DTWD2: variants seen among roughly 807,000 people sequenced by gnomAD.
DTWD2 encodes the protein tRNA-uridine aminocarboxypropyltransferase 2.
DTWD2 carries 39 observed loss-of-function variants against 31.8 expected under a neutral mutation model. That is an observed-to-expected ratio of 1.22 (90% CI 0.95 to 1.60). The LOEUF (loss-of-function observed/expected upper bound fraction) is 1.60. Among genes scored for constraint, DTWD2 ranks in the 40% most tolerant of loss-of-function variants. The pLI is 0.00. For synonymous variants in DTWD2, 180 were observed against 142.8 expected, an observed-to-expected ratio of 1.26 and a Z score of -1.86; for missense variants, 515 against 381.5, an observed-to-expected ratio of 1.35 and a Z score of -2.92.
At chr5:118,898,071 C>A (rs1364824347) in intron 4 of DTWD2, among the ~76,000 whole-genome samples, 1 of 151,832 alleles carries the variant, frequency 6.6e-6, no homozygotes, top group Non-Finnish European at 1.5e-5. Flanking sequence ...TGCCGTGTTG[C>A]CCAGGCTGGT....
At chr5:118,912,423 T>A (rs1370393337) in intron 4 of DTWD2, among the ~76,000 whole-genome samples, 1 of 152,250 alleles carries the variant, frequency 6.6e-6, no homozygotes, top group Non-Finnish European at 1.5e-5. Context: ...CACAAGGCCC[T>A]GCATTTGGCT....
At chr5:118,922,491 T>C (rs1753725141) in intron 4 of DTWD2, among the ~76,000 whole-genome samples, 2 of 152,132 alleles carry the variant, frequency 1.3e-5, no homozygotes, top group Admixed American at 1.3e-4. Context: ...TATTGAAGCA[T>C]AGTAAGAAAA....
intron 4 of DTWD2, among the ~76,000 whole-genome samples, chr5:118,855,435 TA>T (rs145213565): frequency 0.068 from 10,394 of 151,868 alleles, 1,156 homozygotes; most frequent in African/African-American, 0.23. Flanking sequence ...TTATTTTCTT[TA>T]TTTAGCCCAT....
chr5:118,931,032 G>A (rs916916092), intron 3 of DTWD2, among the ~76,000 whole-genome samples: 3 of 151,806 alleles, frequency 2.0e-5, no homozygotes, highest in African/African-American at 7.3e-5. Flanking sequence ...TAAATGGTAT[G>A]TGAATTACAT....
chr5:118,942,755 T>C (rs1233427518), intron 2 of DTWD2, among the ~76,000 whole-genome samples: 4 of 152,170 alleles, frequency 2.6e-5, no homozygotes, highest in Middle Eastern at 6.8e-3. Flanking sequence ...CACCATACTG[T>C]GTATACTGCA....
chr5:118,951,870 A>T (rs989182367), intron 1 of DTWD2, among the ~76,000 whole-genome samples: 1 of 152,196 alleles, frequency 6.6e-6, no homozygotes, highest in African/African-American at 2.4e-5. Context: ...GACACCTCTG[A>T]AATGTGGCTG....
At chr5:118,935,344 A>C (rs917786141) in intron 3 of DTWD2, among the ~76,000 whole-genome samples, 1 of 152,190 alleles carries the variant, frequency 6.6e-6, no homozygotes, top group Non-Finnish European at 1.5e-5. Flanking sequence ...GAAGCTGATC[A>C]GTCAGAAGTT....
At chr5:118,937,882 C>T (rs535228391) in intron 3 of DTWD2, among the ~76,000 whole-genome samples, 1 of 152,248 alleles carries the variant, frequency 6.6e-6, no homozygotes, top group South Asian at 2.1e-4. Flanking sequence ...GCTTCACTTC[C>T]TCATTATGTC....
intron 2 of DTWD2, among the ~76,000 whole-genome samples, chr5:118,941,258 T>C (rs940110923): frequency 5.9e-5 from 9 of 152,198 alleles, no homozygotes; most frequent in Non-Finnish European, 1.0e-4. Context: ...ACATGTGCCA[T>C]GTTGGTGTGC....
intron 1 of DTWD2, among the ~76,000 whole-genome samples, chr5:118,949,260 C>G (rs1754406399): frequency 6.6e-6 from 1 of 152,068 alleles, no homozygotes; most frequent in African/African-American, 2.4e-5. Context: ...GTTCCTGAAG[C>G]CTTGTGGCAG....
intron 4 of DTWD2, among the ~76,000 whole-genome samples, chr5:118,858,787 T>G (rs1399968284): frequency 6.6e-6 from 1 of 152,184 alleles, no homozygotes; most frequent in Non-Finnish European, 1.5e-5. Flanking sequence ...AATTATACCC[T>G]AGTATCATCA....
intron 4 of DTWD2, among the ~76,000 whole-genome samples, chr5:118,917,488 C>G (rs1561454694): frequency 6.6e-6 from 1 of 152,196 alleles, no homozygotes; most frequent in East Asian, 1.9e-4. Flanking sequence ...AGTCTGTTCT[C>G]ACACTGCTAT....
chr5:118,967,783 A>G (rs1754887092), intron 1 of DTWD2, among the ~76,000 whole-genome samples: 1 of 152,226 alleles, frequency 6.6e-6, no homozygotes, highest in Admixed American at 6.5e-5. Flanking sequence ...TGGGGAAAAT[A>G]GAGAATCACC....
intron 4 of DTWD2, among the ~76,000 whole-genome samples, chr5:118,902,562 T>G (rs183183369): frequency 6.6e-6 from 1 of 152,270 alleles, no homozygotes; most frequent in East Asian, 1.9e-4. Context: ...CAATGGGTTT[T>G]CTTTATACTT....
intron 4 of DTWD2, among the ~76,000 whole-genome samples, chr5:118,917,905 T>C (rs1017168017): frequency 4.6e-5 from 7 of 151,626 alleles, no homozygotes; most frequent in African/African-American, 1.2e-4. Flanking sequence ...GCAGACGTTG[T>C]AGTGAGCCGA....
At chr5:118,929,302 A>T (rs1753873330) in intron 3 of DTWD2, among the ~76,000 whole-genome samples, 1 of 152,246 alleles carries the variant, frequency 6.6e-6, no homozygotes, top group African/African-American at 2.4e-5. Flanking sequence ...TAGGCAGACA[A>T]GATTGAAAAC....
chr5:118,848,113 C>A lies in DTWD2; in HGVS notation c.703G>T (p.Glu235Ter). 1.9e-6 allele frequency: 3 copies of A among 1,574,044 alleles called. No homozygotes were observed. Among genetic ancestry groups the A allele is most frequent in the Non-Finnish European group, 2.6e-6 (3 of 1,164,414 alleles). The change falls in exon 5 of 6, where the codon GAG (glutamate) becomes TAG (stop). Residue 235 changes from glutamate (E) to a stop codon, truncating the protein, a stop_gained. Transcript: ENST00000510708. LOFTEE classifies it high-confidence loss of function. ...ACCTCTTGTATGTAATTATTTTTCT[C>A]CAAGATGGAAAGAGCAACAGCTGCA... ...ECAAVALSIL[E>*]KNNYIQETLL...
intron 4 of DTWD2, among the ~76,000 whole-genome samples, chr5:118,890,743 G>C (rs1022946545): frequency 2.0e-5 from 3 of 151,836 alleles, no homozygotes; most frequent in African/African-American, 7.3e-5. Context: ...GGTAATTTTT[G>C]TATTTTTAGT....
intron 4 of DTWD2, among the ~76,000 whole-genome samples, chr5:118,874,559 A>G (rs1413582499): frequency 6.6e-6 from 1 of 152,192 alleles, no homozygotes; most frequent in East Asian, 1.9e-4. Context: ...GAATTTCACA[A>G]TGCAATCAAA....
Sources: gnomAD v4.1 joint callset for allele counts (sites outside exome capture counted in the v4.1 genomes callset) on GRCh38, gnomAD v4.1.1 for gene constraint, MANE v1.5 for transcripts, NCBI Gene and HGNC (gene_info 2026-07-23, HGNC 2026-07-21) for gene names.